IL12RB1: variants seen among roughly 807,000 people sequenced by gnomAD.
IL12RB1 encodes the protein interleukin-12 receptor subunit beta-1.
Under a neutral mutation model 94.4 loss-of-function variants are expected in IL12RB1, and 64 were observed. The observed-to-expected ratio is 0.68, with a 90% CI of 0.55 to 0.83. The LOEUF is 0.83. Among genes scored for constraint, IL12RB1 ranks in the 40% least tolerant of loss-of-function variants. The pLI is 0.00. For synonymous variants in IL12RB1, 362 were observed against 355.5 expected (o/e 1.02, Z -0.21); for missense variants, 814 against 855.6 (o/e 0.95, Z 0.61).
At position 18,068,395 on chromosome 19, in the gene IL12RB1, C is replaced by T. The variant is rs779947911; in HGVS notation, c.1321G>A (p.Gly441Ser). ...GCAGGTTTGGGTCACTTACCATTGCCCCCAAAGTGGTAGGTGGACAGGACC... is the reference window on the plus strand; with the variant it reads ...GCAGGTTTGGGTCACTTACCATTGCTCCCAAAGTGGTAGGTGGACAGGACC... Reference protein sequence around the residue: ...STVLSTYHFGGNASAAGTPHH... With the variant: ...STVLSTYHFGSNASAAGTPHH... The change falls in exon 11 of 17, where the codon GGC (glycine) becomes AGC (serine). Residue 441 changes from glycine to serine, a missense_variant. By Grantham distance (56) the Gly-to-Ser change is moderately conservative. Transcript: ENST00000593993. 1.2e-6 allele frequency: 2 copies of T among 1,610,738 alleles called. No individual in the cohort carries two copies. Among genetic ancestry groups the T allele is most frequent in the South Asian group, 1.1e-5 (1 of 90,850 alleles).
At chr19:18,075,553 G>T (rs891778449) in intron 7 of IL12RB1, among the ~76,000 whole-genome samples, 196 bp downstream of exon 7, 1 of 151,906 alleles carries the variant, frequency 6.6e-6, no homozygotes, top group Non-Finnish European at 1.5e-5. Context: ...CAGCCACCAC[G>T]CCCAGCCCCA....
At chr19:18,094,180 G>C (rs2036774018) in intron 1 of IL12RB1, among the ~76,000 whole-genome samples, 1 of 152,222 alleles carries the variant, frequency 6.6e-6, no homozygotes, top group Non-Finnish European at 1.5e-5. Flanking sequence ...CCAGGCTGGA[G>C]TGCACTGGCA....
intron 7 of IL12RB1, among the ~76,000 whole-genome samples, chr19:18,074,007 T>C (rs2035268985): frequency 6.6e-6 from 1 of 152,186 alleles, no homozygotes; most frequent in Non-Finnish European, 1.5e-5. Context: ...GTATTTTTAG[T>C]AGAGACGGGG....
At chr19:18,095,829 C>T (rs1368024816) in intron 1 of IL12RB1, among the ~76,000 whole-genome samples, 1 of 152,056 alleles carries the variant, frequency 6.6e-6, no homozygotes, top group African/African-American at 2.4e-5. Context: ...TCCTAGGGTC[C>T]CCTCGAGCCT....
chr19:18,082,317 G>A (rs766809390), intron 2 of IL12RB1, 53 bp from the exon 3 acceptor site: 50 of 1,032,600 alleles, frequency 4.8e-5, no homozygotes, highest in African/African-American at 1.9e-4. Context: ...AGGGGTCTTC[G>A]TGCCTAAGAC....
At chr19:18,071,157 G>A in intron 9 of IL12RB1, 1 of 322,018 alleles carries the variant, frequency 3.1e-6, no homozygotes, top group South Asian at 2.4e-5. Context: ...TGGATCACTT[G>A]AGGTCAGGAG....
At chr19:18,095,648 G>C (rs2036854198) in intron 1 of IL12RB1, among the ~76,000 whole-genome samples, 1 of 152,134 alleles carries the variant, frequency 6.6e-6, no homozygotes, top group Admixed American at 6.6e-5. Flanking sequence ...TGAATTTATT[G>C]CACACTTTAA....
chr19:18,060,104 G>T lies in IL12RB1; in HGVS notation c.1792-19C>A. The T allele has an allele frequency of 6.9e-7, 1 of 1,457,162 alleles. No homozygotes were observed. 90.3% of individuals were successfully genotyped at this position (1,457,162 alleles called of 1,614,324 possible). A position where few individuals can be genotyped will look rare whatever the true frequency, so the allele number is the denominator to read the frequency against. ...GCCAAGTCTGCAGAGGGAGGGTAGG[G>T]CCACAGCTGTGAGCAGAGCTCTACT... On this transcript the variant is annotated intron_variant, in intron 15 of 16. Coordinates refer to ENST00000593993, the MANE Select transcript of IL12RB1 (RefSeq NM_005535.3).
At chr19:18,060,866 C>T (rs2034074234) in intron 15 of IL12RB1, among the ~76,000 whole-genome samples, 1 of 152,148 alleles carries the variant, frequency 6.6e-6, no homozygotes, top group African/African-American at 2.4e-5. Flanking sequence ...TCGCTGGATT[C>T]AGGCATATCT....
intron 3 of IL12RB1, among the ~76,000 whole-genome samples, chr19:18,081,810 A>T (rs2035919329): frequency 1.3e-5 from 2 of 151,766 alleles, no homozygotes; most frequent in Non-Finnish European, 2.9e-5. Context: ...ACAGAGCAAG[A>T]CTCCATCTCA....
In IL12RB1 at chr19:18,068,315, T is replaced by C. The variant is rs2034741089; in HGVS notation, c.1327+74A>G. ...TGCTGGGATTACATGCGTGAGTCAC[T>C]GTGCCCAGCCTCTATTTTTTTAAAT... On this transcript the variant is annotated intron_variant, in intron 11 of 16. Coordinates refer to ENST00000593993, the MANE Select transcript of IL12RB1 (RefSeq NM_005535.3). The C allele has an allele frequency of 1.4e-5, 18 of 1,257,758 alleles. No homozygotes were observed. The South Asian group carries it at 2.7e-4, about 19-fold the overall frequency. The allele number at this position is 1,257,758 out of a possible 1,614,324, so 77.9% of individuals were successfully genotyped here.
chr19:18,072,260 G>A lies in IL12RB1; in HGVS notation c.873C>T (p.Cys291=), dbSNP rs1448298305. ...TYRLQLHMLS[C]PCKAKATRTL... ...TCCTGGTGGCCTTGGCCTTACACGGGCAGGACAGCATGTGGAGCTGTAGTC... is the reference window on the plus strand; with the variant it reads ...TCCTGGTGGCCTTGGCCTTACACGGACAGGACAGCATGTGGAGCTGTAGTC... The change falls in exon 9 of 17, where the codon TGC becomes TGT. Residue 291 remains cysteine, a synonymous_variant. Coordinates refer to ENST00000593993, the MANE Select transcript of IL12RB1 (RefSeq NM_005535.3). 6.2e-7 allele frequency: 1 copy of A among 1,614,022 alleles called. No individual in the cohort carries two copies. The highest frequency in any genetic ancestry group is 8.5e-7 in the Non-Finnish European group (1 of 1,179,910).
chr19:18,078,677 T>C (rs1599535804), intron 4 of IL12RB1, among the ~76,000 whole-genome samples: 3 of 151,942 alleles, frequency 2.0e-5, no homozygotes, highest in Admixed American at 2.0e-4. Flanking sequence ...GTCCAGCCAA[T>C]TCTTTTTTTG....
In IL12RB1 at chr19:18,077,668, G is replaced by A; in HGVS notation, c.410-13C>T. ...GGCTCATATTTAACTGGAAGCAGAG[G>A]TAGGGATTGGCGAGGGGCAGCCCAC... On this transcript the variant is annotated splice_polypyrimidine_tract_variant and intron_variant, in intron 4 of 16. Coordinates refer to ENST00000593993, the MANE Select transcript of IL12RB1 (RefSeq NM_005535.3). 1 of 1,566,674 alleles carries A rather than the reference G, an allele frequency of 6.4e-7. No homozygotes were observed. Among genetic ancestry groups the A allele is most frequent in the Non-Finnish European group, 8.8e-7 (1 of 1,136,790 alleles).
chr19:18,068,731 C>T (rs969736401), intron 10 of IL12RB1, among the ~76,000 whole-genome samples: 1 of 148,406 alleles, frequency 6.7e-6, no homozygotes, highest in Admixed American at 6.7e-5. Context: ...CCAGCCCTTA[C>T]TCCATGGAAC....
At chr19:18,068,613 C>T in intron 10 of IL12RB1, 87 bp from the exon 11 acceptor site, 6 of 1,135,070 alleles carry the variant, frequency 5.3e-6, no homozygotes, top group Middle Eastern at 2.0e-4. Flanking sequence ...CTGCCAGGAA[C>T]CCCCAGAAAA....
chr19:18,066,749 TG>T, intron 11 of IL12RB1, 52 bp from the exon 12 acceptor site: 1 of 1,491,926 alleles, frequency 6.7e-7, no homozygotes. Context: ...GGTCGAGGCC[TG>T]GCACAGTGGC....
Position 18,082,335 on chromosome 19 carries a change from T to C in IL12RB1, c.125-71A>G, listed in dbSNP as rs895047864. On this transcript the variant is annotated intron_variant, in intron 2 of 16. Transcript: ENST00000593993. Reference sequence around the variant, plus strand: ...GGTCTTCGTGCCTAAGACAAATCTTTGTGATGCTTACATCTTTCAGCGTCA... The same window carrying C: ...GGTCTTCGTGCCTAAGACAAATCTTCGTGATGCTTACATCTTTCAGCGTCA... 5 of 856,626 alleles carry C rather than the reference T, an allele frequency of 5.8e-6. No homozygotes were observed. The Admixed American group carries it at 7.9e-5, about 14-fold the overall frequency. The allele number at this position is 856,626 out of a possible 1,614,324, so 53.1% of individuals were successfully genotyped here.
At chr19:18,081,148 T>C (rs1489373271) in intron 3 of IL12RB1, 147 bp from the exon 4 acceptor site, 1 of 727,036 alleles carries the variant, frequency 1.4e-6, no homozygotes, top group African/African-American at 1.8e-5. Context: ...CAGGCTGGAG[T>C]GCAGTCGCGC....
Sources: allele counts gnomAD v4.1 joint callset (sites outside exome capture counted in the v4.1 genomes callset), GRCh38; gene constraint gnomAD v4.1.1; transcripts MANE v1.5; gene names NCBI Gene and HGNC (gene_info 2026-07-23, HGNC 2026-07-21).